Variants in PLPPR1 observed in about 807,000 individuals in gnomAD.
The protein encoded by PLPPR1 is phospholipid phosphatase-related protein type 1.
PLPPR1 carries 10 observed loss-of-function variants against 33.1 expected under a neutral mutation model. The ratio of observed to expected loss-of-function variants is 0.30; its 90% CI spans 0.19 to 0.51. PLPPR1 has a LOEUF of 0.51. PLPPR1 is among the 20% of genes least tolerant of loss of function. The pLI is 0.97. For missense variants in PLPPR1, 304 were observed against 408.1 expected, an observed-to-expected ratio of 0.74 and a Z score of 2.20; for synonymous variants, 151 against 151.0, an observed-to-expected ratio of 1.00 and a Z score of 0.00.
intron 2 of PLPPR1, among the ~76,000 whole-genome samples, chr9:101,239,606 C>G (rs561913765): frequency 6.6e-6 from 1 of 152,126 alleles, no homozygotes; most frequent in Non-Finnish European, 1.5e-5. Context: ...AATAGGCATT[C>G]TAACTGGGAT....
rs189163221 is a variant in PLPPR1 at position 101,127,200 on chromosome 9, C to T, written c.-45-58250C>T. ...TTAGACATCCTCGGGTGTCCTTTGA[C>T]GATGTGTCCTCTGCTTTCATACGCT... On this transcript the variant is annotated intron_variant, in intron 1 of 7. Transcript: ENST00000374874. Among the ~76,000 whole-genome samples, 24 of 152,352 alleles carry T rather than the reference C, an allele frequency of 1.6e-4. 1 individual carries two copies. The highest frequency in any genetic ancestry group is 5.8e-4 in the East Asian group (3 of 5,188).
At chr9:101,149,345 C>T (rs1393764560) in intron 1 of PLPPR1, among the ~76,000 whole-genome samples, 1 of 152,086 alleles carries the variant, frequency 6.6e-6, no homozygotes. Flanking sequence ...CTTTAAAAAT[C>T]CCTAACCTTA....
In PLPPR1 at chr9:101,324,472, T is replaced by G. The variant is rs2118978222; in HGVS notation, c.*415T>G. 1 of 156,888 alleles carries G rather than the reference T, an allele frequency of 6.4e-6. No individual in the cohort carries two copies. Among genetic ancestry groups the G allele is most frequent in the Middle Eastern group, 3.2e-3 (1 of 316 alleles). The allele number at this position is 156,888 out of a possible 1,614,324, so 9.7% of individuals were successfully genotyped here. A position where few individuals can be genotyped will look rare whatever the true frequency, so the allele number is the denominator to read the frequency against. ...TTTTGAATTTTAATAAAAGGCAAACTTTTGAGCTGCAGGAAGGACAATGTT... is the reference window on the plus strand; with the variant it reads ...TTTTGAATTTTAATAAAAGGCAAACGTTTGAGCTGCAGGAAGGACAATGTT... On this transcript the variant is annotated 3_prime_UTR_variant, in exon 8 of 8. Transcript: ENST00000374874.
intron 1 of PLPPR1, among the ~76,000 whole-genome samples, chr9:101,088,088 A>C (rs2118526021): frequency 6.6e-6 from 1 of 152,286 alleles, no homozygotes; most frequent in African/African-American, 2.4e-5. Flanking sequence ...ATATGAAAAG[A>C]AGCATCAAAA....
chr9:101,182,156 C>T (rs539839195), intron 1 of PLPPR1, among the ~76,000 whole-genome samples: 6 of 151,470 alleles, frequency 4.0e-5, no homozygotes, highest in South Asian at 2.1e-4. Flanking sequence ...AGACAAATAC[C>T]GTATGATTTC....
chr9:101,192,391 A>G (rs1826311749), intron 2 of PLPPR1, among the ~76,000 whole-genome samples: 1 of 152,188 alleles, frequency 6.6e-6, no homozygotes, highest in Non-Finnish European at 1.5e-5. Context: ...GAGAAGAGAA[A>G]ACAATTTGAT....
intron 7 of PLPPR1, among the ~76,000 whole-genome samples, chr9:101,319,482 C>G (rs1206575623): frequency 6.6e-6 from 1 of 152,108 alleles, no homozygotes; most frequent in African/African-American, 2.4e-5. Context: ...GGGGTTGGAA[C>G]AAGAAATCTA....
chr9:101,082,479 A>G (rs1171144545), intron 1 of PLPPR1, among the ~76,000 whole-genome samples: 1 of 152,128 alleles, frequency 6.6e-6, no homozygotes, highest in Non-Finnish European at 1.5e-5. Flanking sequence ...AGTTCACCTT[A>G]GGTGATGAGA....
chr9:101,125,948 C>T, intron 1 of PLPPR1: 1 of 265,492 alleles, frequency 3.8e-6, no homozygotes, highest in Non-Finnish European at 7.2e-6. Context: ...CTGTTTTTCT[C>T]TAGCAGAGGC....
intron 4 of PLPPR1, among the ~76,000 whole-genome samples, chr9:101,293,788 G>C (rs1471726641): frequency 6.6e-6 from 1 of 151,822 alleles, no homozygotes; most frequent in Non-Finnish European, 1.5e-5. Flanking sequence ...AGAATCTCTG[G>C]GACACACTCA....
intron 2 of PLPPR1, among the ~76,000 whole-genome samples, chr9:101,219,328 C>T (rs148787890): frequency 3.3e-5 from 5 of 152,226 alleles, no homozygotes; most frequent in African/African-American, 9.6e-5. Flanking sequence ...CTACCTGGTA[C>T]GTGAGAAAAG....
intron 1 of PLPPR1, among the ~76,000 whole-genome samples, chr9:101,041,777 G>A (rs1290766199): frequency 6.6e-6 from 1 of 152,160 alleles, no homozygotes; most frequent in Admixed American, 6.5e-5. Context: ...ATAAGTCTGA[G>A]TCTCCGTCTC....
intron 1 of PLPPR1, among the ~76,000 whole-genome samples, chr9:101,114,600 C>G (rs926774432): frequency 2.6e-5 from 4 of 152,190 alleles, no homozygotes; most frequent in Admixed American, 2.0e-4. Context: ...GGTAAGGAAG[C>G]CAGCTGATGT....
chr9:101,206,077 G>T (rs1826584158), intron 2 of PLPPR1, among the ~76,000 whole-genome samples: 1 of 152,188 alleles, frequency 6.6e-6, no homozygotes, highest in Admixed American at 6.5e-5. Flanking sequence ...GCAAATGGGA[G>T]AATTGTTAAA....
chr9:101,316,355 T>C (rs1829049373), intron 6 of PLPPR1, among the ~76,000 whole-genome samples: 6 of 151,822 alleles, frequency 4.0e-5, no homozygotes, highest in Admixed American at 3.3e-4. Context: ...GAGAATGGCA[T>C]GAACCCGGGA....
At chr9:101,042,862 A>AAG in intron 1 of PLPPR1, among the ~76,000 whole-genome samples, 1 of 152,100 alleles carries the variant, frequency 6.6e-6, no homozygotes, top group Admixed American at 6.5e-5. Flanking sequence ...ACCCAGGATA[A>AAG]TTTCTCCTCT....
intron 1 of PLPPR1, among the ~76,000 whole-genome samples, chr9:101,055,388 A>G (rs1328142308): frequency 1.3e-5 from 2 of 152,198 alleles, no homozygotes; most frequent in Non-Finnish European, 2.9e-5. Context: ...GACAGAGCTT[A>G]CCTTTAAGTC....
chr9:101,235,922 A>G (rs1489100067), intron 2 of PLPPR1, among the ~76,000 whole-genome samples: 2 of 151,822 alleles, frequency 1.3e-5, no homozygotes, highest in Non-Finnish European at 2.9e-5. Flanking sequence ...AATTTTAAAG[A>G]TGTCAGCAGA....
At chr9:101,172,905 C>G (rs562792716) in intron 1 of PLPPR1, among the ~76,000 whole-genome samples, 2 of 152,038 alleles carry the variant, frequency 1.3e-5, no homozygotes, top group Admixed American at 1.3e-4. Context: ...TGCCTCATGT[C>G]CAATGTCTTG....
Sources: gnomAD v4.1 joint callset for allele counts (sites outside exome capture counted in the v4.1 genomes callset) on GRCh38, gnomAD v4.1.1 for gene constraint, MANE v1.5 for transcripts, NCBI Gene and HGNC (gene_info 2026-07-23, HGNC 2026-07-21) for gene names.